Variants in DMXL1 observed in about 807,000 individuals in gnomAD.
DMXL1 encodes dmX-like protein 1.
Under a neutral mutation model 319.2 loss-of-function variants are expected in DMXL1, and 99 were observed. The observed-to-expected ratio is 0.31, with a 90% CI of 0.26 to 0.37. The LOEUF is 0.37. DMXL1 is among the 10% of genes least tolerant of loss of function. DMXL1 has a pLI of 1.00. For synonymous variants in DMXL1, 1,385 were observed against 1,235.2 expected, an observed-to-expected ratio of 1.12 and a Z score of -2.54; for missense variants, 3,745 against 3,595.6, an observed-to-expected ratio of 1.04 and a Z score of -1.06.
At chr5:119,120,298 A>T (rs1163071246) in intron 8 of DMXL1, among the ~76,000 whole-genome samples, 2 of 152,248 alleles carry the variant, frequency 1.3e-5, no homozygotes, top group Non-Finnish European at 2.9e-5. Flanking sequence ...GATGCCTCAG[A>T]ATATAATAAA....
intron 32 of DMXL1, 64 bp from the exon 33 acceptor site, chr5:119,203,255 A>G: frequency 1.9e-6 from 2 of 1,041,416 alleles, no homozygotes; most frequent in African/African-American, 1.6e-5. Flanking sequence ...GCACCAAGGA[A>G]TTGTTATCAA....
intron 1 of DMXL1, 142 bp from the exon 2 acceptor site, chr5:119,097,836 AT>A (rs748470667): frequency 4.1e-3 from 2,821 of 696,450 alleles, no homozygotes; most frequent in Middle Eastern, 5.7e-3. Context: ...CCAAATGTAG[AT>A]TTTTTTTTTA....
intron 19 of DMXL1, among the ~76,000 whole-genome samples, chr5:119,162,442 AT>A (rs1291488366): frequency 2.6e-5 from 4 of 152,164 alleles, no homozygotes; most frequent in African/African-American, 9.7e-5. Flanking sequence ...ACACCAGCAG[AT>A]TTGGTGTCTG....
intron 13 of DMXL1, among the ~76,000 whole-genome samples, chr5:119,141,593 A>G (rs1767354071): frequency 6.6e-6 from 1 of 152,158 alleles, no homozygotes; most frequent in Non-Finnish European, 1.5e-5. Flanking sequence ...TTGCTCAGAT[A>G]AATCAGAGAA....
chr5:119,207,728 G>T (rs770026997), intron 34 of DMXL1, among the ~76,000 whole-genome samples: 2 of 152,132 alleles, frequency 1.3e-5, no homozygotes, highest in African/African-American at 2.4e-5. Flanking sequence ...TGCCATGTTG[G>T]CCAGGCTGAT....
intron 13 of DMXL1, among the ~76,000 whole-genome samples, chr5:119,136,476 G>A (rs1766012809): frequency 6.6e-6 from 1 of 152,254 alleles, no homozygotes; most frequent in Admixed American, 6.5e-5. Context: ...AAGTAACCAG[G>A]AGCTGAATGT....
At chr5:119,174,208 T>G (rs1340341545) in intron 25 of DMXL1, among the ~76,000 whole-genome samples, 1 of 152,202 alleles carries the variant, frequency 6.6e-6, no homozygotes, top group Non-Finnish European at 1.5e-5. Flanking sequence ...TGGTCAAATG[T>G]CTGTGCACCC....
intron 2 of DMXL1, among the ~76,000 whole-genome samples, chr5:119,099,556 C>G (rs1756767701): frequency 6.6e-6 from 1 of 152,140 alleles, no homozygotes; most frequent in Admixed American, 6.6e-5. Flanking sequence ...GATCTTCTAG[C>G]TCTTTTGTTC....
rs1445125405 is a variant in DMXL1 at position 119,133,895 on chromosome 5, C to T, written c.1971C>T (p.His657=). 1 of 1,613,994 alleles carries T rather than the reference C, an allele frequency of 6.2e-7. No homozygotes were observed. The change falls in exon 12 of 44, where the codon CAC becomes CAT. Residue 657 remains histidine, a synonymous_variant. Coordinates refer to ENST00000539542, the MANE Select transcript of DMXL1 (RefSeq NM_001290321.3). ...TACCATTATTGCTGACAACATCACA[C>T]CATAATGCATTAAGGACACCAGATG... ...SVLPLLLTTS[H]HNALRTPDVD...
rs187665808 is a variant in DMXL1, at chr5:119,107,326, G to A, written c.364+2068G>A. 1.7e-3 allele frequency among the ~76,000 whole-genome samples: 257 copies of A among 151,872 alleles called. 1 individual carries two copies. Among genetic ancestry groups the A allele is most frequent in the African/African-American group, 6.0e-3 (248 of 41,414 alleles). On this transcript the variant is annotated intron_variant, in intron 4 of 43. Transcript: ENST00000539542. ...ACTGCTTTCTAGCCTGGGTGACAGAGCAAGAACTTGTCTCAGAAAAAAAAA... is the reference window on the plus strand; with the variant it reads ...ACTGCTTTCTAGCCTGGGTGACAGAACAAGAACTTGTCTCAGAAAAAAAAA...
chr5:119,190,435 T>C (rs1480548658), intron 29 of DMXL1, among the ~76,000 whole-genome samples: 2 of 152,224 alleles, frequency 1.3e-5, no homozygotes, highest in African/African-American at 4.8e-5. Context: ...TGACCAATCA[T>C]GTCAGTTCTT....
At position 119,147,370 on chromosome 5, in the gene DMXL1, C is replaced by G. The variant is rs1319895835; in HGVS notation, c.2811C>G (p.Leu937=). Reference sequence around the variant, plus strand: ...AGTATCAGGCTTGCAGAGCAAATCTCCAGAGTACCAGCAGGTTGACTCTGT... The same window carrying G: ...AGTATCAGGCTTGCAGAGCAAATCTGCAGAGTACCAGCAGGTTGACTCTGT... The part of the protein sequence containing the change: ...SQKYQACRAN[L]QSTSRLTLFS... The change falls in exon 17 of 44, where the codon CTC becomes CTG. Residue 937 remains leucine, a synonymous_variant. Transcript: ENST00000539542. 1.9e-6 allele frequency: 3 copies of G among 1,613,316 alleles called. No individual in the cohort carries two copies. Among genetic ancestry groups the G allele is most frequent in the Non-Finnish European group, 2.5e-6 (3 of 1,179,558 alleles).
At position 119,171,219 on chromosome 5, in the gene DMXL1, A is replaced by ATGG; in HGVS notation, c.6432_6434dup (p.Gly2146dup). Reference sequence around the variant, plus strand: ...AGTTACTGCATACTTCATGGATCCCATGGTGGGGGTCTTGCATCTGTAAGA... The same window carrying ATGG: ...AGTTACTGCATACTTCATGGATCCCATGGTGGTGGGGGTCTTGCATCTGTAAGA... On this transcript the variant is annotated inframe_insertion, in exon 24 of 44. Coordinates refer to ENST00000539542, the MANE Select transcript of DMXL1 (RefSeq NM_001290321.3). 1.2e-6 allele frequency: 2 copies of ATGG among 1,612,398 alleles called. No individual in the cohort carries two copies. Among genetic ancestry groups the ATGG allele is most frequent in the Non-Finnish European group, 1.7e-6 (2 of 1,178,766 alleles).
At position 119,239,092 on chromosome 5, in the gene DMXL1, T is replaced by C. The variant is rs573743617; in HGVS notation, c.8651+12T>C. 2.5e-6 allele frequency: 4 copies of C among 1,613,092 alleles called. No individual in the cohort carries two copies. In the East Asian group the frequency reaches 6.7e-5, roughly 27 times the overall value. On this transcript the variant is annotated intron_variant, in intron 41 of 43. Transcript: ENST00000539542. ...TCAACTGACAATAGGTAAGAGATGA[T>C]AGCTAAAATTGAAGTATGAGAAAGT...
rs533883462 is a variant in DMXL1 at position 119,144,578 on chromosome 5, T to G, written c.2509T>G (p.Phe837Val). The G allele has an allele frequency of 6.2e-7, 1 of 1,602,204 alleles. No homozygotes were observed. The highest frequency in any genetic ancestry group is 1.3e-5 in the African/African-American group (1 of 74,308). The change falls in exon 15 of 44, where the codon TTC (phenylalanine) becomes GTC (valine). Residue 837 changes from phenylalanine (F) to valine (V), a missense_variant. By Grantham distance (50) the Phe-to-Val change is conservative. Coordinates refer to ENST00000539542, the MANE Select transcript of DMXL1 (RefSeq NM_001290321.3). ...ACTGCTTCATGTTTTTGAAGAAGACTTCATTTTGAATAACCTTGAGAAGAA... is the reference window on the plus strand; with the variant it reads ...ACTGCTTCATGTTTTTGAAGAAGACGTCATTTTGAATAACCTTGAGAAGAA... ...TQLLHVFEED[F>V]ILNNLEKKSL... is the part of the protein sequence containing the mutation.
rs757939896 is a variant in DMXL1 at position 119,171,960 on chromosome 5, A to G, written c.6672A>G (p.Gln2224=). Residue 2224 remains glutamine, a synonymous_variant, in exon 25 of 44, where the codon CAA becomes CAG. Coordinates refer to ENST00000539542, the MANE Select transcript of DMXL1 (RefSeq NM_001290321.3). The stretch of plus-strand genomic sequence containing the variant: ...ATTCACCACCCCACCCTGATATCCA[A>G]AGCAATAAAGTAAGTATGCTTGGTT... The part of the protein sequence containing the change: ...NFDSPPHPDI[Q]SNKVYVMHTL... The G allele has an allele frequency of 1.9e-6, 3 of 1,610,412 alleles. No homozygotes were observed. Among genetic ancestry groups the G allele is most frequent in the Non-Finnish European group, 2.5e-6 (3 of 1,178,288 alleles).
At chr5:119,145,965 T>C (rs1271634452) in intron 15 of DMXL1, among the ~76,000 whole-genome samples, 1 of 151,812 alleles carries the variant, frequency 6.6e-6, no homozygotes, top group Non-Finnish European at 1.5e-5. Flanking sequence ...TGTTATAATC[T>C]TTATCCTTTT....
Position 119,133,582 on chromosome 5 carries a change from A to C in DMXL1, c.1658A>C (p.Lys553Thr), listed in dbSNP as rs1307241063. The C allele has an allele frequency of 6.2e-7, 1 of 1,614,210 alleles. No individual in the cohort carries two copies. The highest frequency in any genetic ancestry group is 8.5e-7 in the Non-Finnish European group (1 of 1,180,026). Reference protein sequence around the residue: ...CKSIMMYACTKNVDLAIQQGK... With the variant: ...CKSIMMYACTTNVDLAIQQGK... ...AGCATAATGATGTATGCCTGTACCAAGAATGTTGACTTGGCTATTCAGCAG... is the reference window on the plus strand; with the variant it reads ...AGCATAATGATGTATGCCTGTACCACGAATGTTGACTTGGCTATTCAGCAG... Residue 553 changes from lysine to threonine, a missense_variant, in exon 12 of 44, where the codon AAG (lysine) becomes ACG (threonine). Lys to Thr is a moderately conservative substitution (Grantham distance 78, BLOSUM62 -1). Coordinates refer to ENST00000539542, the MANE Select transcript of DMXL1 (RefSeq NM_001290321.3).
intron 28 of DMXL1, among the ~76,000 whole-genome samples, chr5:119,189,066 C>G (rs568713324): frequency 6.1e-4 from 93 of 152,060 alleles, no homozygotes; most frequent in South Asian, 3.9e-3. Context: ...TTTTTTAATG[C>G]TAATCTCTTT....
Sources: gnomAD v4.1 joint callset for allele counts (sites outside exome capture counted in the v4.1 genomes callset) on GRCh38, gnomAD v4.1.1 for gene constraint, MANE v1.5 for transcripts, NCBI Gene and HGNC (gene_info 2026-07-23, HGNC 2026-07-21) for gene names.